Variants in RNF122 observed in about 807,000 individuals in gnomAD.
RNF122 encodes the protein ring finger protein 122.
In RNF122, 17 loss-of-function variants were observed where a neutral mutation model predicts 24.2. The observed-to-expected ratio is 0.70, with a 90% CI of 0.48 to 1.06. RNF122 has a LOEUF of 1.06. Among genes scored for constraint, RNF122 ranks in the 50% least tolerant of loss-of-function variants. The probability of loss-of-function intolerance (pLI) is 0.00; values close to 1 mark genes in which losing one functional copy is unlikely to be tolerated. For synonymous variants in RNF122, 65 were observed against 71.8 expected (o/e 0.91, Z 0.48); for missense variants, 168 against 198.1 (o/e 0.85, Z 0.91).
At chr8:33,566,664 C>T in intron 1 of RNF122, 35 bp downstream of exon 1, 1 of 1,589,088 alleles carries the variant, frequency 6.3e-7, no homozygotes, top group Non-Finnish European at 8.6e-7. Flanking sequence ...TCCCACCAGC[C>T]CCACGTAGGC....
chr8:33,554,409 C>A (rs1190874337), intron 2 of RNF122, among the ~76,000 whole-genome samples: 1 of 152,138 alleles, frequency 6.6e-6, no homozygotes, highest in Non-Finnish European at 1.5e-5. Flanking sequence ...GTACCACTTC[C>A]CCACCCATCA....
intron 1 of RNF122, 74 bp downstream of exon 1, chr8:33,566,625 C>G: frequency 6.8e-7 from 1 of 1,468,552 alleles, no homozygotes; most frequent in South Asian, 1.2e-5. Context: ...CAGCGCGCTG[C>G]TGTCCGACCT....
chr8:33,564,671 A>C (rs1810594647), intron 1 of RNF122, among the ~76,000 whole-genome samples: 1 of 152,164 alleles, frequency 6.6e-6, no homozygotes, highest in South Asian at 2.1e-4. Flanking sequence ...TCAAAAGTTC[A>C]AGACCAGTCT....
At chr8:33,566,661 A>C in intron 1 of RNF122, 38 bp downstream of exon 1, 1 of 1,586,312 alleles carries the variant, frequency 6.3e-7, no homozygotes, top group South Asian at 1.2e-5. Context: ...GGCTCCCACC[A>C]GCCCCACGTA....
intron 1 of RNF122, among the ~76,000 whole-genome samples, chr8:33,564,554 C>T (rs1028404963): frequency 2.1e-5 from 3 of 144,820 alleles, no homozygotes; most frequent in Non-Finnish European, 3.0e-5. Flanking sequence ...GCATGGTTGT[C>T]GGAGTGAGAC....
At chr8:33,564,502 G>A (rs1345245285) in intron 1 of RNF122, among the ~76,000 whole-genome samples, 2 of 152,156 alleles carry the variant, frequency 1.3e-5, no homozygotes, top group Non-Finnish European at 2.9e-5. Context: ...CAGCCTGGGA[G>A]TTGGAGGCCG....
intron 2 of RNF122, among the ~76,000 whole-genome samples, chr8:33,555,636 A>G (rs868493076): frequency 8.5e-5 from 13 of 152,360 alleles, no homozygotes; most frequent in African/African-American, 2.9e-4. Context: ...CTCTACTTCA[A>G]GGAATATGAC....
At position 33,567,001 on chromosome 8, in the gene RNF122, G is replaced by C; in HGVS notation, c.-278C>G. 1 of 479,748 alleles carries C rather than the reference G, an allele frequency of 2.1e-6. No individual in the cohort carries two copies. Among genetic ancestry groups the C allele is most frequent in the Non-Finnish European group, 3.8e-6 (1 of 266,212 alleles). 29.7% of individuals were successfully genotyped at this position (479,748 alleles called of 1,614,324 possible). ...AGGGCCCCGGGCTGGGGGAATGTGG[G>C]GCGCCGCGGGGCGGGGGTGCCCGGG... On this transcript the variant is annotated 5_prime_UTR_variant, in exon 1 of 6. Transcript: ENST00000256257.
rs1409713774 is a variant in RNF122, at chr8:33,548,008, G to GC, written c.*744dup. ...AAAAAAAAAAAAAAAAAAAAAAAAG[G>GC]CCCCTGGGAATCAATTTAAGTATAG... On this transcript the variant is annotated 3_prime_UTR_variant, in exon 6 of 6. Coordinates refer to ENST00000256257, the MANE Select transcript of RNF122 (RefSeq NM_024787.3). The GC allele has an allele frequency of 6.2e-5, 7 of 113,488 alleles. No individual in the cohort carries two copies. Among genetic ancestry groups the GC allele is most frequent in the Non-Finnish European group, 1.3e-4 (7 of 55,776 alleles). The allele number at this position is 113,488 out of a possible 1,614,324, so 7.0% of individuals were successfully genotyped here.
At chr8:33,550,090 C>T (rs1032383021) in intron 4 of RNF122, among the ~76,000 whole-genome samples, 5 of 152,116 alleles carry the variant, frequency 3.3e-5, no homozygotes, top group African/African-American at 9.7e-5. Flanking sequence ...TGTGCCACCA[C>T]ACCCAGCTAA....
intron 2 of RNF122, among the ~76,000 whole-genome samples, chr8:33,554,818 G>A (rs769563528): frequency 1.3e-5 from 2 of 152,100 alleles, no homozygotes; most frequent in African/African-American, 2.4e-5. Flanking sequence ...GTACTTCCCC[G>A]GCCCCTCCAT....
Position 33,551,162 on chromosome 8 carries a change from G to A in RNF122, c.229-77C>T, listed in dbSNP as rs181159648. On this transcript the variant is annotated intron_variant, in intron 3 of 5. Transcript: ENST00000256257. The stretch of plus-strand genomic sequence containing the variant: ...CAGCCAGGTAGTATCAACCAATGAA[G>A]GGAGTCCCCTGGACTGCCTGGGGCA... The A allele has an allele frequency of 4.2e-5, 66 of 1,556,704 alleles. No homozygotes were observed. In the East Asian group the frequency reaches 1.2e-3, roughly 29 times the overall value.
chr8:33,554,081 C>T (rs997571822), intron 2 of RNF122, among the ~76,000 whole-genome samples: 1 of 152,198 alleles, frequency 6.6e-6, no homozygotes, highest in Non-Finnish European at 1.5e-5. Flanking sequence ...GTTCCAATTT[C>T]CAAATGAGCA....
Position 33,558,695 on chromosome 8 carries a change from C to G in RNF122, c.102G>C (p.Pro34=). ...CGAAGATGACCATATAGATGTTGAG[C>G]GGAAGGTCCTGGAAACTGATGGGTG... The part of the protein sequence containing the change: ...SMPPISFQDL[P]LNIYMVIFGT... Residue 34 remains proline, a synonymous_variant, in exon 2 of 6, where the codon CCG becomes CCC. Coordinates refer to ENST00000256257, the MANE Select transcript of RNF122 (RefSeq NM_024787.3). 2.5e-6 allele frequency: 4 copies of G among 1,612,306 alleles called. No individual in the cohort carries two copies. The highest frequency in any genetic ancestry group is 3.4e-6 in the Non-Finnish European group (4 of 1,178,804).
intron 1 of RNF122, among the ~76,000 whole-genome samples, chr8:33,560,324 G>A (rs1052931214): frequency 3.3e-5 from 5 of 152,122 alleles, no homozygotes; most frequent in Admixed American, 1.3e-4. Flanking sequence ...AGGTGGGTAC[G>A]TAACCAGGTT....
At chr8:33,553,708 G>C (rs1375698693) in intron 2 of RNF122, among the ~76,000 whole-genome samples, 2 of 152,264 alleles carry the variant, frequency 1.3e-5, no homozygotes, top group Non-Finnish European at 2.9e-5. Flanking sequence ...AGCTGAAGCT[G>C]CTCCCTGGGT....
At chr8:33,563,708 C>G (rs1252712407) in intron 1 of RNF122, among the ~76,000 whole-genome samples, 1 of 152,172 alleles carries the variant, frequency 6.6e-6, no homozygotes, top group Admixed American at 6.5e-5. Flanking sequence ...AGACCTGGTG[C>G]TCCCAGCTGT....
intron 1 of RNF122, among the ~76,000 whole-genome samples, chr8:33,566,196 C>T (rs1160727243): frequency 6.6e-6 from 1 of 152,164 alleles, no homozygotes; most frequent in African/African-American, 2.4e-5. Flanking sequence ...ACCCAAGCCA[C>T]GCCAGCAGCC....
At chr8:33,564,880 T>TA (rs1450325041) in intron 1 of RNF122, among the ~76,000 whole-genome samples, 44 of 150,416 alleles carry the variant, frequency 2.9e-4, no homozygotes, top group African/African-American at 1.0e-3. Context: ...CTCAAAAAAA[T>TA]AAAAAATAAA....
Sources: allele counts gnomAD v4.1 joint callset (sites outside exome capture counted in the v4.1 genomes callset), GRCh38; gene constraint gnomAD v4.1.1; transcripts MANE v1.5; gene names NCBI Gene and HGNC (gene_info 2026-07-23, HGNC 2026-07-21).